The following ANKRD46 variants were observed in gnomAD, a reference collection of about 807,000 sequenced individuals.
ANKRD46 encodes ankyrin repeat domain-containing protein 46.
ANKRD46 carries 13 observed loss-of-function variants against 19.8 expected under a neutral mutation model. The observed-to-expected ratio is 0.66, with a 90% CI of 0.43 to 1.04. The LOEUF (loss-of-function observed/expected upper bound fraction) is 1.04, where lower values mean the gene tolerates loss of function less well. ANKRD46 is among the 50% of genes least tolerant of loss of function. The pLI is 0.00. For synonymous variants in ANKRD46, 91 were observed against 106.9 expected, an observed-to-expected ratio of 0.85 and a Z score of 0.92; for missense variants, 185 against 274.8, an observed-to-expected ratio of 0.67 and a Z score of 2.31.
rs1811532982 is a variant in ANKRD46, at chr8:100,510,537, GC to G, written c.*39del. On this transcript the variant is annotated 3_prime_UTR_variant, in exon 6 of 6. Transcript: ENST00000520552. This position sits in a 1 kb window ranked among gnomAD's most constrained non-coding sequence, Gnocchi z 4.9. ...CTGACGTCTGTATCCCTTCTTTCTTGCCTTCTGAGGCTCAGGAGCACAGGAC... is the reference window on the plus strand; with the variant it reads ...CTGACGTCTGTATCCCTTCTTTCTTGCTTCTGAGGCTCAGGAGCACAGGAC... 5 of 1,518,802 alleles carry G rather than the reference GC, an allele frequency of 3.3e-6. No homozygotes were observed. Among genetic ancestry groups the G allele is most frequent in the Non-Finnish European group, 4.4e-6 (5 of 1,135,390 alleles). The allele number at this position is 1,518,802 out of a possible 1,614,324, so 94.1% of individuals were successfully genotyped here.
chr8:100,550,527 C>CT lies in ANKRD46; in HGVS notation c.-131+9183dup, dbSNP rs34381045. The CT allele has an allele frequency of 0.72, 104,674 of 145,238 alleles. 38,110 individuals carry two copies. Among genetic ancestry groups the CT allele is most frequent in the Middle Eastern group, 0.82 (234 of 284 alleles). The allele number at this position is 145,238 out of a possible 1,614,324, so 9.0% of individuals were successfully genotyped here. A position where few individuals can be genotyped will look rare whatever the true frequency, so the allele number is the denominator to read the frequency against. ...TAAAATCAGGTTGTTCATTTTCTATCTTTTTTTTTTTTTTGAGTACAGAGG... is the reference window on the plus strand; with the variant it reads ...TAAAATCAGGTTGTTCATTTTCTATCTTTTTTTTTTTTTTTGAGTACAGAGG... On this transcript the variant is annotated intron_variant, in intron 1 of 4. Transcript: ENST00000335659. The surrounding 1 kb of genome is among the most constrained non-coding windows in gnomAD (Gnocchi z 4.4).
At chr8:100,514,759 C>A (rs1181870578) in intron 5 of ANKRD46, among the ~76,000 whole-genome samples, 1 of 151,278 alleles carries the variant, frequency 6.6e-6, no homozygotes, top group Admixed American at 6.6e-5. Context: ...TGTGTCTCAG[C>A]CTCCCAAGTA....
Position 100,511,761 on chromosome 8 carries a change from C to T in ANKRD46, c.637-1122G>A, listed in dbSNP as rs1263297627. Among the ~76,000 whole-genome samples the T allele has an allele frequency of 2.0e-5, 3 of 152,182 alleles. No individual in the cohort carries two copies. The highest frequency in any genetic ancestry group is 1.3e-4 in the Admixed American group (2 of 15,276). On this transcript the variant is annotated intron_variant, in intron 5 of 5. Coordinates refer to the ANKRD46 transcript ENST00000520552. This position sits in a 1 kb window ranked among gnomAD's most constrained non-coding sequence, Gnocchi z 4.1. ...AATTTCGGCTGGGCATGGTGGCTCA[C>T]GCCTGTAATCCCAGCACTTTGGGAG...
At chr8:100,551,055 G>A (rs748182578) in intron 1 of ANKRD46, 14 of 511,098 alleles carry the variant, frequency 2.7e-5, no homozygotes, top group East Asian at 4.9e-5. Context: ...TGTTCAGCTC[G>A]GGGATGGCCT....
intron 1 of ANKRD46, among the ~76,000 whole-genome samples, chr8:100,555,540 T>G (rs183234091): frequency 3.8e-4 from 57 of 150,758 alleles, no homozygotes; most frequent in African/African-American, 1.4e-3. Context: ...ATCCAAATTA[T>G]AAGCAGTAAG....
chr8:100,534,264 T>G lies in ANKRD46; in HGVS notation c.-130-953A>C, dbSNP rs1466250490. 2.0e-5 allele frequency among the ~76,000 whole-genome samples: 3 copies of G among 152,194 alleles called. No individual in the cohort carries two copies. The highest frequency in any genetic ancestry group is 7.2e-5 in the African/African-American group (3 of 41,446). On this transcript the variant is annotated intron_variant, in intron 1 of 4. Transcript: ENST00000335659. The surrounding 1 kb of genome is among the most constrained non-coding windows in gnomAD (Gnocchi z 4.2). The stretch of plus-strand genomic sequence containing the variant: ...CTCCATTTACAATATGTAAGTCAGG[T>G]TGTATCATAAAGGCTATCAGTGCTA...
intron 3 of ANKRD46, among the ~76,000 whole-genome samples, chr8:100,528,579 G>T (rs555429149): frequency 6.7e-6 from 1 of 149,876 alleles, no homozygotes; most frequent in South Asian, 2.1e-4. Context: ...CAAAAAAGTG[G>T]ATAAATCTAG....
chr8:100,539,171 T>G (rs776933547), intron 1 of ANKRD46, among the ~76,000 whole-genome samples: 3 of 152,220 alleles, frequency 2.0e-5, no homozygotes, highest in Non-Finnish European at 2.9e-5. Context: ...TAAACTAGGA[T>G]GGACTTAAGT....
rs1811728627 is a variant in ANKRD46, at chr8:100,521,782, A to G, written c.*773T>C. ...CTGCTAACTATTCAGTAGAAAAAGGATTTTCTGACTGTAATTCTGATGAAC... is the reference window on the plus strand; with the variant it reads ...CTGCTAACTATTCAGTAGAAAAAGGGTTTTCTGACTGTAATTCTGATGAAC... On this transcript the variant is annotated 3_prime_UTR_variant, in exon 5 of 5. Coordinates refer to ENST00000335659, the MANE Select transcript of ANKRD46 (RefSeq NM_001270377.2). 1 of 985,152 alleles carries G rather than the reference A, an allele frequency of 1.0e-6. No individual in the cohort carries two copies. Among genetic ancestry groups the G allele is most frequent in the Admixed American group, 6.1e-5 (1 of 16,266 alleles). 61.0% of individuals were successfully genotyped at this position (985,152 alleles called of 1,614,324 possible). A position where few individuals can be genotyped will look rare whatever the true frequency, so the allele number is the denominator to read the frequency against.
chr8:100,525,945 G>A lies in ANKRD46; in HGVS notation c.470+1900C>T, dbSNP rs1811833254. On this transcript the variant is annotated intron_variant, in intron 4 of 4. Transcript: ENST00000335659. This position sits in a 1 kb window ranked among gnomAD's most constrained non-coding sequence, Gnocchi z 4.4. Reference sequence around the variant, plus strand: ...TTGCAGCTATCCTAGTGGGTGTGAAGTGGCATTTCACTATGGTCCTCATTT... The same window carrying A: ...TTGCAGCTATCCTAGTGGGTGTGAAATGGCATTTCACTATGGTCCTCATTT... 6.6e-6 allele frequency among the ~76,000 whole-genome samples: 1 copy of A among 152,158 alleles called. No homozygotes were observed. Among genetic ancestry groups the A allele is most frequent in the Non-Finnish European group, 1.5e-5 (1 of 68,032 alleles).
chr8:100,521,883 T>C lies in ANKRD46; in HGVS notation c.*672A>G, dbSNP rs184021756. On this transcript the variant is annotated 3_prime_UTR_variant, in exon 5 of 5. Coordinates refer to ENST00000335659, the MANE Select transcript of ANKRD46 (RefSeq NM_001270377.2). The stretch of plus-strand genomic sequence containing the variant: ...TGAACTCATTTATTTTTCACAGATA[T>C]TAACAAGCAAAGCAGTTTACAAAAA... 6.6e-4 allele frequency: 653 copies of C among 984,874 alleles called. 4 individuals are homozygous for C. The African/African-American group carries it at 0.011, about 16-fold the overall frequency. 61.0% of individuals were successfully genotyped at this position (984,874 alleles called of 1,614,324 possible). A position where few individuals can be genotyped will look rare whatever the true frequency, so the allele number is the denominator to read the frequency against.
chr8:100,534,817 C>A lies in ANKRD46; in HGVS notation c.-130-1506G>T, dbSNP rs931206070. Among the ~76,000 whole-genome samples the A allele has an allele frequency of 6.6e-6, 1 of 152,222 alleles. No individual in the cohort carries two copies. Among genetic ancestry groups the A allele is most frequent in the Non-Finnish European group, 1.5e-5 (1 of 68,008 alleles). ...CAGAGTCTCACTCTGTCGCTGGTGC[C>A]GGAGTGCAGTGGTGCAATCTCGACT... On this transcript the variant is annotated intron_variant, in intron 1 of 4. Transcript: ENST00000335659. This position sits in a 1 kb window ranked among gnomAD's most constrained non-coding sequence, Gnocchi z 4.2.
intron 1 of ANKRD46, among the ~76,000 whole-genome samples, chr8:100,558,175 C>T (rs541430175): frequency 1.3e-5 from 2 of 152,312 alleles, no homozygotes; most frequent in African/African-American, 4.8e-5. Flanking sequence ...CTTATTTCCA[C>T]AATGGGAAAT....
At chr8:100,523,159 C>CTT in intron 4 of ANKRD46, among the ~76,000 whole-genome samples, 1 of 66,300 alleles carries the variant, frequency 1.5e-5, no homozygotes, top group Admixed American at 1.5e-4. Context: ...GAGACACCAT[C>CTT]TCTATTTTTT....
At chr8:100,512,866 T>G (rs867873616) in intron 5 of ANKRD46, among the ~76,000 whole-genome samples, 1 of 152,346 alleles carries the variant, frequency 6.6e-6, no homozygotes, top group Middle Eastern at 3.4e-3. Context: ...ACGTATACAC[T>G]TCCCTGTTCA....
chr8:100,526,093 C>T (rs1811836006), intron 4 of ANKRD46, among the ~76,000 whole-genome samples: 1 of 152,098 alleles, frequency 6.6e-6, no homozygotes, highest in Non-Finnish European at 1.5e-5. Flanking sequence ...GTTAATAACT[C>T]AATTTTTGAA....
rs920659325 is a variant in ANKRD46 at position 100,510,124 on chromosome 8, G to A, written c.*453C>T. ...TATTTATGGCTTCTCGGAATTTTCC[G>A]AATGAAGTAACTTTTTTCCCCAGAC... On this transcript the variant is annotated 3_prime_UTR_variant, in exon 6 of 6. Coordinates refer to the ANKRD46 transcript ENST00000520552. This position sits in a 1 kb window ranked among gnomAD's most constrained non-coding sequence, Gnocchi z 4.9. 11 of 155,764 alleles carry A rather than the reference G, an allele frequency of 7.1e-5. No homozygotes were observed. Among genetic ancestry groups the A allele is most frequent in the Non-Finnish European group, 1.3e-4 (9 of 70,562 alleles). The allele number at this position is 155,764 out of a possible 1,614,324, so 9.6% of individuals were successfully genotyped here.
intron 1 of ANKRD46, among the ~76,000 whole-genome samples, chr8:100,555,474 C>T (rs190728980): frequency 1.5e-4 from 22 of 147,620 alleles, no homozygotes; most frequent in Admixed American, 4.0e-4. Flanking sequence ...TTAAAGAGGA[C>T]TGGGACTAAA....
Position 100,529,452 on chromosome 8 carries a change from CAAGAT to C in ANKRD46, c.311+66_311+70del. 1 of 1,453,146 alleles carries C rather than the reference CAAGAT, an allele frequency of 6.9e-7. No homozygotes were observed. Among genetic ancestry groups the C allele is most frequent in the Non-Finnish European group, 9.3e-7 (1 of 1,072,954 alleles). The allele number at this position is 1,453,146 out of a possible 1,614,324, so 90.0% of individuals were successfully genotyped here. ...AATGAGGAAACAAAACCAACAGACC[CAAGAT>C]AAGATTATCAGTTGAGAGATTAATG... On this transcript the variant is annotated intron_variant, in intron 3 of 4. Coordinates refer to ENST00000335659, the MANE Select transcript of ANKRD46 (RefSeq NM_001270377.2). This position sits in a 1 kb window ranked among gnomAD's most constrained non-coding sequence, Gnocchi z 5.8.
Sources: allele counts gnomAD v4.1 joint callset (sites outside exome capture counted in the v4.1 genomes callset), GRCh38; gene constraint gnomAD v4.1.1; non-coding constraint Gnocchi (gnomAD v3.1); transcripts MANE v1.5; gene names NCBI Gene and HGNC (gene_info 2026-07-23, HGNC 2026-07-21).